Variants in RALGPS2 observed in about 807,000 individuals in gnomAD.
RALGPS2 encodes ras-specific guanine nucleotide-releasing factor RalGPS2.
RALGPS2 carries 43 observed loss-of-function variants against 86.8 expected under a neutral mutation model. The ratio of observed to expected loss-of-function variants is 0.50; its 90% CI spans 0.39 to 0.64. The LOEUF (loss-of-function observed/expected upper bound fraction) is 0.64. Ranked by LOEUF, RALGPS2 falls within the 30% of genes least tolerant of loss-of-function variation. RALGPS2 has a pLI of 0.00. For missense variants in RALGPS2, 536 were observed against 694.6 expected (o/e 0.77, Z 2.57); for synonymous variants, 243 against 231.3 (o/e 1.05, Z -0.46).
intron 1 of RALGPS2, among the ~76,000 whole-genome samples, chr1:178,730,730 T>G (rs994348225): frequency 1.3e-5 from 2 of 151,812 alleles, no homozygotes; most frequent in Non-Finnish European, 2.9e-5. Flanking sequence ...GACAAGAGTT[T>G]TGCTCTTGTT....
intron 4 of RALGPS2, among the ~76,000 whole-genome samples, chr1:178,793,165 T>G (rs1558122348): frequency 6.6e-6 from 1 of 152,188 alleles, no homozygotes; most frequent in Non-Finnish European, 1.5e-5. Context: ...GCCAGAAGAC[T>G]TGTATTTTTG....
chr1:178,735,638 C>T (rs1024978835), intron 1 of RALGPS2, among the ~76,000 whole-genome samples: 45 of 144,004 alleles, frequency 3.1e-4, no homozygotes, highest in African/African-American at 1.1e-3. Context: ...TGGGATTTCA[C>T]CATATTTGAT....
Position 178,902,204 on chromosome 1 carries a change from T to G in RALGPS2, c.1623T>G (p.Ser541=). 1.2e-6 allele frequency: 2 copies of G among 1,609,886 alleles called. No homozygotes were observed. Among genetic ancestry groups the G allele is most frequent in the Non-Finnish European group, 1.7e-6 (2 of 1,176,334 alleles). The change falls in exon 18 of 20, where the codon TCT becomes TCG. Residue 541 remains serine, a synonymous_variant. Transcript: ENST00000367635. The part of the protein sequence containing the change: ...EHPDLFLLTD[S]EKGNSYKFQA... ...CTGATCTCTTCCTGCTGACTGACTC[T>G]GAGAAAGGTGAATTGTTAGAATAAC...
In RALGPS2 at chr1:178,909,096, G is replaced by A. The variant is rs559667668; in HGVS notation, c.1722+2229G>A. Reference sequence around the variant, plus strand: ...GATTTTTGTATACAGTGTAAGGAAGGGGTCCAGTTTTAATCTTCTGTATAT... The same window carrying A: ...GATTTTTGTATACAGTGTAAGGAAGAGGTCCAGTTTTAATCTTCTGTATAT... On this transcript the variant is annotated intron_variant, in intron 19 of 19. Coordinates refer to ENST00000367635, the MANE Select transcript of RALGPS2 (RefSeq NM_152663.5). Among the ~76,000 whole-genome samples the A allele has an allele frequency of 2.2e-3, 336 of 152,234 alleles. 4 individuals are homozygous for A. Among genetic ancestry groups the A allele is most frequent in the Non-Finnish European group, 2.6e-3 (177 of 68,024 alleles).
chr1:178,857,072 A>G lies in RALGPS2; in HGVS notation c.608-20426A>G, dbSNP rs200468869. Among the ~76,000 whole-genome samples the G allele has an allele frequency of 9.8e-5, 15 of 152,332 alleles. No individual in the cohort carries two copies. The East Asian group carries it at 2.7e-3, about 27-fold the overall frequency. ...GTAGTCAAGTAGGAAGGAAGGGTAA[A>G]GAGCCTATATTTCAGAAAAGATGAA... On this transcript the variant is annotated intron_variant, in intron 8 of 19. Coordinates refer to ENST00000367635, the MANE Select transcript of RALGPS2 (RefSeq NM_152663.5).
Position 178,784,407 on chromosome 1 carries a change from C to T in RALGPS2, c.58-11C>T, listed in dbSNP as rs754732396. On this transcript the variant is annotated splice_polypyrimidine_tract_variant and intron_variant, in intron 2 of 19. Transcript: ENST00000367635. ...GTATGTAAAAGGCTGCATTTTCTTT[C>T]ACTTTAACAGAAAAGTAGCAGCTCT... 6.3e-7 allele frequency: 1 copy of T among 1,586,448 alleles called. No homozygotes were observed. The highest frequency in any genetic ancestry group is 2.2e-5 in the East Asian group (1 of 44,472).
chr1:178,782,995 A>G (rs1390363302), intron 2 of RALGPS2, among the ~76,000 whole-genome samples: 5 of 152,188 alleles, frequency 3.3e-5, no homozygotes, highest in African/African-American at 1.2e-4. Context: ...ACACAATTTG[A>G]AGAGATACAT....
intron 4 of RALGPS2, among the ~76,000 whole-genome samples, chr1:178,795,927 TATA>T (rs1264400921): frequency 1.3e-5 from 2 of 152,142 alleles, no homozygotes; most frequent in South Asian, 2.1e-4. Context: ...AATTAATAAA[TATA>T]ATGAGAGATT....
intron 8 of RALGPS2, among the ~76,000 whole-genome samples, chr1:178,867,514 G>A (rs1407311427): frequency 1.3e-5 from 2 of 151,952 alleles, no homozygotes; most frequent in African/African-American, 4.8e-5. Flanking sequence ...ACTCAAATGG[G>A]ATTCAAACCT....
At chr1:178,762,116 T>G (rs1652273535) in intron 1 of RALGPS2, among the ~76,000 whole-genome samples, 1 of 152,162 alleles carries the variant, frequency 6.6e-6, no homozygotes, top group South Asian at 2.1e-4. Flanking sequence ...CAATATTTTG[T>G]TTTCTGTTCC....
chr1:178,854,677 C>T (rs998245527), intron 8 of RALGPS2, among the ~76,000 whole-genome samples: 6 of 152,260 alleles, frequency 3.9e-5, no homozygotes, highest in African/African-American at 1.4e-4. Flanking sequence ...GGTCATGTAT[C>T]ACAGAAGATG....
intron 8 of RALGPS2, among the ~76,000 whole-genome samples, chr1:178,852,104 C>T (rs1657211143): frequency 6.6e-6 from 1 of 152,158 alleles, no homozygotes; most frequent in Non-Finnish European, 1.5e-5. Context: ...GCTCTTACAC[C>T]ATGTATCCAA....
intron 4 of RALGPS2, among the ~76,000 whole-genome samples, chr1:178,787,790 A>G (rs924334355): frequency 6.6e-6 from 1 of 152,122 alleles, no homozygotes; most frequent in Non-Finnish European, 1.5e-5. Flanking sequence ...CAACACCCCA[A>G]TGTAAAATAC....
chr1:178,748,522 A>G (rs1322762237), intron 1 of RALGPS2, among the ~76,000 whole-genome samples: 1 of 152,160 alleles, frequency 6.6e-6, no homozygotes, highest in Non-Finnish European at 1.5e-5. Flanking sequence ...TCACAACAAC[A>G]GGGATGAGGT....
intron 2 of RALGPS2, among the ~76,000 whole-genome samples, chr1:178,778,595 G>C (rs937059857): frequency 9.7e-6 from 1 of 103,070 alleles, no homozygotes; most frequent in Non-Finnish European, 2.0e-5. Flanking sequence ...ACATGCACAC[G>C]TATGTTTATT....
At chr1:178,810,441 T>G (rs1247317353) in intron 5 of RALGPS2, among the ~76,000 whole-genome samples, 1 of 152,066 alleles carries the variant, frequency 6.6e-6, no homozygotes, top group African/African-American at 2.4e-5. Flanking sequence ...GATGTTAAAT[T>G]TAATTAAGTT....
Position 178,896,973 on chromosome 1 carries a change from A to C in RALGPS2, c.1432-691A>C, listed in dbSNP as rs1659976525. On this transcript the variant is annotated intron_variant, in intron 16 of 19. Transcript: ENST00000367635. ...ATGATTTATAGTCCTTTGTGTATAT[A>C]CCCAGTAATGGGATGGCTGGGTCAA... is the stretch of plus-strand genomic sequence containing the variant. Among the ~76,000 whole-genome samples the C allele has an allele frequency of 4.0e-5, 6 of 151,890 alleles. No homozygotes were observed. The South Asian group carries it at 1.2e-3, about 32-fold the overall frequency.
chr1:178,865,696 T>C (rs747888406), intron 8 of RALGPS2: 34 of 1,613,864 alleles, frequency 2.1e-5, no homozygotes, highest in Admixed American at 3.3e-5. Context: ...TTTTTTTAAT[T>C]TTGAATTGTC....
intron 8 of RALGPS2, among the ~76,000 whole-genome samples, chr1:178,835,320 A>T (rs190167817): frequency 1.3e-5 from 2 of 151,776 alleles, no homozygotes; most frequent in African/African-American, 4.8e-5. Context: ...TTACCTAGAA[A>T]TAGCATGCAT....
Sources: allele counts gnomAD v4.1 joint callset (sites outside exome capture counted in the v4.1 genomes callset), GRCh38; gene constraint gnomAD v4.1.1; transcripts MANE v1.5; gene names NCBI Gene and HGNC (gene_info 2026-07-23, HGNC 2026-07-21).